PSMA2: variants seen among roughly 807,000 people sequenced by gnomAD.
PSMA2 encodes the protein proteasome subunit alpha type-2.
Under a neutral mutation model 35.9 loss-of-function variants are expected in PSMA2, and 2 were observed. The ratio of observed to expected loss-of-function variants is 0.06; its 90% CI spans 0.02 to 0.18. PSMA2 has a LOEUF of 0.18. Among genes scored for constraint, PSMA2 ranks in the 10% least tolerant of loss-of-function variants. PSMA2 has a pLI of 1.00. For missense variants in PSMA2, 126 were observed against 278.8 expected, an observed-to-expected ratio of 0.45 and a Z score of 3.90; for synonymous variants, 97 against 98.2, an observed-to-expected ratio of 0.99 and a Z score of 0.07.
rs545125724 is a variant in PSMA2 at position 42,917,310 on chromosome 7, C to A, written c.*264G>T. 7 of 284,514 alleles carry A rather than the reference C, an allele frequency of 2.5e-5. No individual in the cohort carries two copies. Among genetic ancestry groups the A allele is most frequent in the African/African-American group, 1.3e-4 (6 of 45,466 alleles). The allele number at this position is 284,514 out of a possible 1,614,324, so 17.6% of individuals were successfully genotyped here. On this transcript the variant is annotated 3_prime_UTR_variant, in exon 8 of 8. Transcript: ENST00000223321. ...CAAAATTGCCTGACAACGAAAAAGTCATTTCATCATTCTGCTTGGCAATGT... is the reference window on the plus strand; with the variant it reads ...CAAAATTGCCTGACAACGAAAAAGTAATTTCATCATTCTGCTTGGCAATGT...
chr7:42,930,224 C>T (rs1279914042), intron 1 of PSMA2, among the ~76,000 whole-genome samples: 2 of 3,270 alleles, frequency 6.1e-4, no homozygotes, highest in South Asian at 0.038. Flanking sequence ...CACACACACA[C>T]GCACACACAC....
At chr7:42,927,352 G>A (rs1179268309) in intron 2 of PSMA2, 31 bp downstream of exon 2, 1 of 1,559,632 alleles carries the variant, frequency 6.4e-7, no homozygotes, top group South Asian at 1.1e-5. Flanking sequence ...ACTACTAACA[G>A]GCATCTGAAA....
chr7:42,924,965 T>C (rs1354134651), intron 3 of PSMA2, among the ~76,000 whole-genome samples, 168 bp from the exon 4 acceptor site: 1 of 152,204 alleles, frequency 6.6e-6, no homozygotes, highest in East Asian at 1.9e-4. Flanking sequence ...CCAGTTGATA[T>C]AGAAGAAAAT....
intron 6 of PSMA2, chr7:42,919,969 G>A: frequency 2.7e-6 from 2 of 744,024 alleles, no homozygotes; most frequent in Admixed American, 3.5e-5. Flanking sequence ...GCTTCCTGAA[G>A]AAGATACTGG....
At chr7:42,921,631 T>A (rs1031006377) in intron 6 of PSMA2, 2 of 363,346 alleles carry the variant, frequency 5.5e-6, no homozygotes, top group Non-Finnish European at 9.8e-6. Flanking sequence ...TAGGAAACCA[T>A]AGAATGTAGA....
intron 4 of PSMA2, among the ~76,000 whole-genome samples, chr7:42,924,332 C>T (rs1377135461): frequency 5.6e-5 from 6 of 107,932 alleles, no homozygotes; most frequent in Non-Finnish European, 8.4e-5. Context: ...CCAGCCTGGG[C>T]GACAGAGTGA....
chr7:42,928,192 C>T (rs1232412742), intron 1 of PSMA2, among the ~76,000 whole-genome samples: 2 of 152,146 alleles, frequency 1.3e-5, no homozygotes, highest in Admixed American at 1.3e-4. Flanking sequence ...CTGAAATCAC[C>T]GTCCCCTACA....
intron 4 of PSMA2, among the ~76,000 whole-genome samples, chr7:42,924,140 T>C (rs1786167708): frequency 6.6e-6 from 1 of 151,510 alleles, no homozygotes; most frequent in Admixed American, 6.6e-5. Flanking sequence ...GGTCAGGAGT[T>C]TGAAACCAGC....
chr7:42,927,979 C>T (rs1786239659), intron 1 of PSMA2, among the ~76,000 whole-genome samples: 1 of 151,854 alleles, frequency 6.6e-6, no homozygotes, highest in Admixed American at 6.6e-5. Context: ...CCTACTGAAG[C>T]ACTACTTTCT....
intron 1 of PSMA2, 84 bp from the exon 2 acceptor site, chr7:42,927,543 A>T: frequency 1.5e-6 from 2 of 1,336,198 alleles, no homozygotes; most frequent in South Asian, 2.4e-5. Context: ...ACAGACATAC[A>T]GGTCAAATCC....
chr7:42,919,363 A>G, intron 6 of PSMA2: 1 of 574,810 alleles, frequency 1.7e-6, no homozygotes, highest in Non-Finnish European at 3.5e-6. Flanking sequence ...AAGACTATGG[A>G]TTTCATGCAG....
At position 42,917,480 on chromosome 7, in the gene PSMA2, T is replaced by C. The variant is rs1205738017; in HGVS notation, c.*94A>G. ...ACAGTCGATTTAAACCATGTAGAAA[T>C]AAGTATGCAAAAAGTCTGCAAAACA... On this transcript the variant is annotated 3_prime_UTR_variant, in exon 8 of 8. Coordinates refer to ENST00000223321, the MANE Select transcript of PSMA2 (RefSeq NM_002787.5). 2 of 912,438 alleles carry C rather than the reference T, an allele frequency of 2.2e-6. No homozygotes were observed. The highest frequency in any genetic ancestry group is 3.5e-6 in the Non-Finnish European group (2 of 575,166). The allele number at this position is 912,438 out of a possible 1,614,324, so 56.5% of individuals were successfully genotyped here. A position where few individuals can be genotyped will look rare whatever the true frequency, so the allele number is the denominator to read the frequency against.
chr7:42,929,064 G>T (rs367929818), intron 1 of PSMA2, among the ~76,000 whole-genome samples: 140 of 151,744 alleles, frequency 9.2e-4, no homozygotes, highest in African/African-American at 3.3e-3. Flanking sequence ...CTCCTGCCTC[G>T]GTCTCTTTAT....
At chr7:42,928,588 C>T (rs1283131918) in intron 1 of PSMA2, among the ~76,000 whole-genome samples, 2 of 152,130 alleles carry the variant, frequency 1.3e-5, no homozygotes, top group Admixed American at 1.3e-4. Context: ...CATCATAAAC[C>T]AACCTAATTT....
Position 42,926,424 on chromosome 7 carries a change from A to G in PSMA2, c.251+112T>C, listed in dbSNP as rs749100388. On this transcript the variant is annotated intron_variant, in intron 3 of 7. Transcript: ENST00000223321. ...CTGCTATTGCTAAACAAAGCACACA[A>G]AAAAAGAGGAACTGGAAGATTAAAG... 1.0e-4 allele frequency: 137 copies of G among 1,311,798 alleles called. 4 individuals carry two copies. In the Admixed American group the frequency reaches 3.7e-3, roughly 36 times the overall value. The allele number at this position is 1,311,798 out of a possible 1,614,324, so 81.3% of individuals were successfully genotyped here.
intron 1 of PSMA2, 38 bp downstream of exon 1, chr7:42,932,080 C>T: frequency 6.2e-6 from 10 of 1,613,758 alleles, no homozygotes; most frequent in Non-Finnish European, 8.5e-6. Flanking sequence ...TACCAGCAAC[C>T]TCGACTACGC....
intron 1 of PSMA2, among the ~76,000 whole-genome samples, chr7:42,929,388 CT>C (rs1021679007): frequency 6.6e-6 from 1 of 152,166 alleles, no homozygotes; most frequent in African/African-American, 2.4e-5. Flanking sequence ...TCATATACCC[CT>C]GGGTAACATT....
intron 6 of PSMA2, 78 bp downstream of exon 6, chr7:42,921,780 G>C: frequency 8.5e-7 from 1 of 1,173,472 alleles, no homozygotes; most frequent in African/African-American, 1.5e-5. Flanking sequence ...TTAGTCCCAT[G>C]ATATTAATTT....
intron 3 of PSMA2, 87 bp from the exon 4 acceptor site, chr7:42,924,884 G>T: frequency 7.6e-7 from 1 of 1,321,140 alleles, no homozygotes; most frequent in Non-Finnish European, 1.0e-6. Context: ...TGTACCTGCA[G>T]CACAAGTTTA....
Sources: allele counts gnomAD v4.1 joint callset (sites outside exome capture counted in the v4.1 genomes callset), GRCh38; gene constraint gnomAD v4.1.1; transcripts MANE v1.5; gene names NCBI Gene and HGNC (gene_info 2026-07-23, HGNC 2026-07-21).